The following ABI1 variants were observed in gnomAD, a reference collection of about 807,000 sequenced individuals.
The protein encoded by ABI1 is Abelson interactor 1.
A neutral mutation model predicts 54.6 loss-of-function variants in ABI1; 14 were observed. The observed-to-expected ratio is 0.26, with a 90% CI of 0.17 to 0.40. The LOEUF (loss-of-function observed/expected upper bound fraction) is 0.40. Ranked by LOEUF, ABI1 falls within the 10% of genes least tolerant of loss-of-function variation. The probability of loss-of-function intolerance (pLI) is 1.00; values close to 1 mark genes in which losing one functional copy is unlikely to be tolerated. For missense variants in ABI1, 443 were observed against 598.3 expected (o/e 0.74, Z 2.71); for synonymous variants, 194 against 209.3 (o/e 0.93, Z 0.63).
intron 1 of ABI1, among the ~76,000 whole-genome samples, chr10:26,841,643 ACT>A (rs1287919560): frequency 3.6e-5 from 5 of 137,726 alleles, no homozygotes; most frequent in East Asian, 2.3e-4. Context: ...TGTATATTTG[ACT>A]CTTTTTTTTT....
intron 1 of ABI1, chr10:26,839,674 G>C: frequency 1.6e-6 from 1 of 638,990 alleles, no homozygotes; most frequent in Non-Finnish European, 2.8e-6. Context: ...AAACATGCCA[G>C]GCTTGGTGGC....
chr10:26,799,470 AG>A lies in ABI1; in HGVS notation c.286-22230del, dbSNP rs1230501653. Among the ~76,000 whole-genome samples the A allele has an allele frequency of 2.6e-5, 4 of 152,070 alleles. No homozygotes were observed. The East Asian group carries it at 7.7e-4, about 29-fold the overall frequency. ...GAAGCTGCTTGCCAAGCTTCGGGGG[AG>A]GGGGGAAATTAGAAAAAATGAGCAC... On this transcript the variant is annotated intron_variant, in intron 2 of 10. Transcript: ENST00000376140.
Position 26,785,720 on chromosome 10 carries a change from G to A in ABI1, c.286-8479C>T, listed in dbSNP as rs117256791. 3.5e-3 allele frequency among the ~76,000 whole-genome samples: 533 copies of A among 150,524 alleles called. 5 individuals carry two copies. Among genetic ancestry groups the A allele is most frequent in the East Asian group, 0.029 (148 of 5,112 alleles). On this transcript the variant is annotated intron_variant, in intron 2 of 10. Coordinates refer to ENST00000376140, the MANE Select transcript of ABI1 (RefSeq NM_001012750.3). ...AGCCTGGGCGACAGAGTCAGACTCT[G>A]TCTGGGAAAAAAAAAAAAAAGTCAT...
intron 3 of ABI1, 138 bp from the exon 4 acceptor site, chr10:26,771,227 T>C (rs1840650788): frequency 1.1e-6 from 1 of 887,056 alleles, no homozygotes; most frequent in South Asian, 1.6e-5. Flanking sequence ...AACTACTTTG[T>C]AAAGAAAAAG....
intron 7 of ABI1, among the ~76,000 whole-genome samples, chr10:26,760,718 C>A (rs989731047): frequency 6.6e-6 from 1 of 151,646 alleles, no homozygotes; most frequent in Admixed American, 6.6e-5. Context: ...GGCGAAAACC[C>A]GTGTCTACTA....
intron 2 of ABI1, among the ~76,000 whole-genome samples, chr10:26,788,289 T>C (rs1445242558): frequency 1.3e-5 from 2 of 152,236 alleles, no homozygotes; most frequent in African/African-American, 4.8e-5. Context: ...CCTCTTTTTC[T>C]TCCCAGTTTC....
At chr10:26,810,871 T>A (rs1053032181) in intron 2 of ABI1, among the ~76,000 whole-genome samples, 1 of 151,330 alleles carries the variant, frequency 6.6e-6, no homozygotes, top group African/African-American at 2.4e-5. Flanking sequence ...TGTGTTTCCT[T>A]GGCAGGAAAT....
intron 7 of ABI1, among the ~76,000 whole-genome samples, chr10:26,761,661 T>TATACACACACAC (rs1375832167): frequency 1.0e-4 from 8 of 78,930 alleles, no homozygotes; most frequent in African/African-American, 2.1e-4. Flanking sequence ...TATATATATA[T>TATACACACACAC]ACACACACAC....
At chr10:26,765,454 A>G (rs991440544) in intron 6 of ABI1, 136 bp from the exon 7 acceptor site, 1 of 667,548 alleles carries the variant, frequency 1.5e-6, no homozygotes, top group Non-Finnish European at 2.5e-6. Flanking sequence ...GACTGGTTTC[A>G]AGAGCCCCCT....
intron 8 of ABI1, among the ~76,000 whole-genome samples, chr10:26,758,510 CAGAA>C (rs1838656459): frequency 6.6e-6 from 1 of 152,072 alleles, no homozygotes; most frequent in African/African-American, 2.4e-5. Context: ...TTGAGGTAAA[CAGAA>C]AGAAATCAAA....
chr10:26,823,033 C>T (rs1172620225), intron 2 of ABI1, 105 bp downstream of exon 2: 3 of 1,012,590 alleles, frequency 3.0e-6, no homozygotes, highest in Non-Finnish European at 4.3e-6. Context: ...TAATGATTAT[C>T]ACCAGTAAGA....
intron 8 of ABI1, among the ~76,000 whole-genome samples, chr10:26,757,840 GGTGGATCA>G (rs1838512780): frequency 6.6e-6 from 1 of 152,028 alleles, no homozygotes; most frequent in Non-Finnish European, 1.5e-5. Context: ...GGCTGAGGTG[GGTGGATCA>G]CCTGAGATCA....
At chr10:26,825,890 G>A (rs1444279336) in intron 1 of ABI1, among the ~76,000 whole-genome samples, 1 of 152,024 alleles carries the variant, frequency 6.6e-6, no homozygotes, top group Non-Finnish European at 1.5e-5. Flanking sequence ...CACTTCTTCG[G>A]GCTCCAATTC....
chr10:26,793,599 C>T (rs1344558061), intron 2 of ABI1, among the ~76,000 whole-genome samples: 1 of 152,176 alleles, frequency 6.6e-6, no homozygotes, highest in Non-Finnish European at 1.5e-5. Context: ...CTCCTCCTCG[C>T]CTGCTTAATT....
intron 2 of ABI1, among the ~76,000 whole-genome samples, chr10:26,781,002 A>G (rs1842037700): frequency 6.6e-6 from 1 of 152,186 alleles, no homozygotes; most frequent in South Asian, 2.1e-4. Flanking sequence ...CATAAGCTCC[A>G]GGGAGATTAT....
At chr10:26,771,518 G>A (rs1321564862) in intron 3 of ABI1, among the ~76,000 whole-genome samples, 1 of 152,130 alleles carries the variant, frequency 6.6e-6, no homozygotes, top group Non-Finnish European at 1.5e-5. Context: ...CCAAGTATGA[G>A]TATTCATTAC....
chr10:26,853,424 T>C (rs551322544), intron 1 of ABI1, among the ~76,000 whole-genome samples: 31 of 150,918 alleles, frequency 2.1e-4, no homozygotes, highest in African/African-American at 6.1e-4. Flanking sequence ...ATAATTTCAA[T>C]AAATATTACA....
intron 1 of ABI1, among the ~76,000 whole-genome samples, chr10:26,859,783 G>C (rs1211345098): frequency 6.6e-6 from 1 of 152,210 alleles, no homozygotes; most frequent in East Asian, 1.9e-4. Context: ...CTTGTTAAGA[G>C]AGAAACCTCA....
At chr10:26,748,810 G>A (rs1837233528) in intron 10 of ABI1, 65 bp from the exon 11 acceptor site, 2 of 1,172,924 alleles carry the variant, frequency 1.7e-6, no homozygotes, top group Non-Finnish European at 2.4e-6. Flanking sequence ...TGAATTTTAA[G>A]ACAAAGACAA....
Sources: gnomAD v4.1 joint callset for allele counts (sites outside exome capture counted in the v4.1 genomes callset) on GRCh38, gnomAD v4.1.1 for gene constraint, MANE v1.5 for transcripts, NCBI Gene and HGNC (gene_info 2026-07-23, HGNC 2026-07-21) for gene names.